Variants in PRTFDC1 observed in about 807,000 individuals in gnomAD.
PRTFDC1 encodes the protein phosphoribosyltransferase domain-containing protein 1.
A neutral mutation model predicts 34.6 loss-of-function variants in PRTFDC1; 38 were observed. The observed-to-expected ratio is 1.10, with a 90% CI of 0.85 to 1.44. The LOEUF (loss-of-function observed/expected upper bound fraction) is 1.44, where lower values mean the gene tolerates loss of function less well. PRTFDC1 is among the 40% of genes most tolerant of loss of function. The pLI, the probability that PRTFDC1 is intolerant of heterozygous loss-of-function variation, is 0.00. For missense variants in PRTFDC1, 270 were observed against 283.0 expected, an observed-to-expected ratio of 0.95 and a Z score of 0.33; for synonymous variants, 93 against 98.1, an observed-to-expected ratio of 0.95 and a Z score of 0.31.
At chr10:24,876,779 C>A (rs923786951) in intron 3 of PRTFDC1, among the ~76,000 whole-genome samples, 6 of 151,940 alleles carry the variant, frequency 3.9e-5, no homozygotes, top group African/African-American at 1.5e-4. Context: ...GAACTCCTGG[C>A]CCCAAGCAAA....
chr10:24,903,598 A>C (rs1012533164), intron 3 of PRTFDC1, among the ~76,000 whole-genome samples: 1 of 152,186 alleles, frequency 6.6e-6, no homozygotes, highest in African/African-American at 2.4e-5. Context: ...ACTGAAGTCT[A>C]GAGAGGTCTC....
chr10:24,917,313 G>T (rs1392798235), intron 3 of PRTFDC1, among the ~76,000 whole-genome samples: 1 of 152,190 alleles, frequency 6.6e-6, no homozygotes, highest in Non-Finnish European at 1.5e-5. Flanking sequence ...GCAATGGGAT[G>T]CAGAAAGTGT....
At chr10:24,907,156 G>A (rs138389228) in intron 3 of PRTFDC1, among the ~76,000 whole-genome samples, 8 of 151,990 alleles carry the variant, frequency 5.3e-5, no homozygotes, top group African/African-American at 1.9e-4. Flanking sequence ...ACACTGCACT[G>A]AGCTATGATC....
chr10:24,864,033 G>T (rs1416072826), intron 4 of PRTFDC1, among the ~76,000 whole-genome samples: 1 of 112,290 alleles, frequency 8.9e-6, no homozygotes, highest in Non-Finnish European at 1.9e-5. Flanking sequence ...AAAAAAAAAA[G>T]ACTTTAGTGG....
chr10:24,920,592 C>G (rs1848773325), intron 3 of PRTFDC1, among the ~76,000 whole-genome samples: 1 of 152,152 alleles, frequency 6.6e-6, no homozygotes, highest in African/African-American at 2.4e-5. Context: ...GGCTTAATAC[C>G]TAGGTGATGG....
At chr10:24,870,945 G>A (rs935989287) in intron 4 of PRTFDC1, among the ~76,000 whole-genome samples, 2 of 151,822 alleles carry the variant, frequency 1.3e-5, no homozygotes, top group African/African-American at 4.8e-5. Flanking sequence ...GGTGGCAGGT[G>A]CCTGTAATCC....
At chr10:24,949,852 T>C (rs1257489346) in intron 1 of PRTFDC1, among the ~76,000 whole-genome samples, 1 of 151,946 alleles carries the variant, frequency 6.6e-6, no homozygotes, top group African/African-American at 2.4e-5. Flanking sequence ...CTCCTGCTTC[T>C]GCCTCCCAAG....
Position 24,920,134 on chromosome 10 carries a change from A to G in PRTFDC1, c.339+17050T>C, listed in dbSNP as rs143568472. On this transcript the variant is annotated intron_variant, in intron 3 of 8. Coordinates refer to ENST00000320152, the MANE Select transcript of PRTFDC1 (RefSeq NM_020200.7). ...AATCCCATGGCTGGGTATATACTCA[A>G]AGGAATATAATAAATCATTCTATTA... 1.1e-3 allele frequency among the ~76,000 whole-genome samples: 165 copies of G among 152,300 alleles called. 2 individuals carry two copies. Among genetic ancestry groups the G allele is most frequent in the African/African-American group, 3.8e-3 (157 of 41,554 alleles).
intron 3 of PRTFDC1, among the ~76,000 whole-genome samples, chr10:24,892,945 G>C (rs1396994214): frequency 3.9e-5 from 6 of 152,148 alleles, no homozygotes; most frequent in African/African-American, 7.2e-5. Context: ...TTTGGCTGAG[G>C]AGTATGGGGA....
intron 2 of PRTFDC1, 119 bp downstream of exon 2, chr10:24,942,211 T>G: frequency 1.4e-6 from 1 of 736,454 alleles, no homozygotes; most frequent in Non-Finnish European, 2.3e-6. Context: ...TATATAAAAG[T>G]TCTCTCTACC....
Position 24,851,469 on chromosome 10 carries a change from GCAGA to G in PRTFDC1, c.554-9_554-6del. 1 of 1,603,652 alleles carries G rather than the reference GCAGA, an allele frequency of 6.2e-7. No homozygotes were observed. Among genetic ancestry groups the G allele is most frequent in the South Asian group, 1.1e-5 (1 of 89,082 alleles). ...TTGGAATCTCAAATCCAGCATCTTA[GCAGA>G]CAGAGAAAGAGAAAAAAAAAAAGGA... On this transcript the variant is annotated splice_region_variant and splice_polypyrimidine_tract_variant and intron_variant, in intron 7 of 8. Coordinates refer to ENST00000320152, the MANE Select transcript of PRTFDC1 (RefSeq NM_020200.7).
chr10:24,860,577 T>C (rs1012488875), intron 4 of PRTFDC1, among the ~76,000 whole-genome samples: 3 of 152,236 alleles, frequency 2.0e-5, no homozygotes, highest in Non-Finnish European at 4.4e-5. Flanking sequence ...CTGTCAGTTA[T>C]GACATTTTTA....
intron 4 of PRTFDC1, among the ~76,000 whole-genome samples, chr10:24,871,063 T>G (rs1847860145): frequency 9.6e-6 from 1 of 104,532 alleles, no homozygotes; most frequent in Admixed American, 1.2e-4. Context: ...AGAGCAAGAC[T>G]CTGTCTAAAA....
At chr10:24,900,904 C>A (rs2132553089) in intron 3 of PRTFDC1, among the ~76,000 whole-genome samples, 1 of 152,206 alleles carries the variant, frequency 6.6e-6, no homozygotes, top group South Asian at 2.1e-4. Flanking sequence ...CAGGCATGAC[C>A]CTACGAAAGG....
chr10:24,858,296 G>T, intron 5 of PRTFDC1, 96 bp downstream of exon 5: 1 of 1,409,680 alleles, frequency 7.1e-7, no homozygotes. Flanking sequence ...GGGAGCTCAA[G>T]AAATCCTTGG....
chr10:24,889,828 C>T (rs1490251845), intron 3 of PRTFDC1, among the ~76,000 whole-genome samples: 1 of 152,182 alleles, frequency 6.6e-6, no homozygotes, highest in Non-Finnish European at 1.5e-5. Context: ...TAAGTCATGT[C>T]TTCAAAACTG....
chr10:24,868,706 C>T (rs1437110304), intron 4 of PRTFDC1, among the ~76,000 whole-genome samples: 1 of 152,178 alleles, frequency 6.6e-6, no homozygotes, highest in East Asian at 1.9e-4. Context: ...ATCCTTTCAT[C>T]CACTGCAGAT....
At chr10:24,857,710 C>A (rs530742575) in intron 5 of PRTFDC1, among the ~76,000 whole-genome samples, 28 of 151,998 alleles carry the variant, frequency 1.8e-4, no homozygotes, top group African/African-American at 6.5e-4. Context: ...ACTCCAGATG[C>A]ACATGGCGCA....
intron 3 of PRTFDC1, among the ~76,000 whole-genome samples, chr10:24,898,401 C>T (rs1184470076): frequency 6.9e-6 from 1 of 145,604 alleles, no homozygotes; most frequent in African/African-American, 2.5e-5. Flanking sequence ...GAGGTCGAGG[C>T]TGCAGTGAGC....
Sources: allele counts gnomAD v4.1 joint callset (sites outside exome capture counted in the v4.1 genomes callset), GRCh38; gene constraint gnomAD v4.1.1; transcripts MANE v1.5; gene names NCBI Gene and HGNC (gene_info 2026-07-23, HGNC 2026-07-21).